Variants in PPARA observed in about 807,000 individuals in gnomAD.
PPARA encodes the protein peroxisome proliferator activated receptor alpha.
Under a neutral mutation model 42.2 loss-of-function variants are expected in PPARA, and 22 were observed. The observed-to-expected ratio is 0.52, with a 90% CI of 0.37 to 0.74. The LOEUF is 0.74. Among genes scored for constraint, PPARA ranks in the 30% least tolerant of loss-of-function variants. The pLI is 0.00. For synonymous variants in PPARA, 242 were observed against 239.3 expected (o/e 1.01, Z -0.10); for missense variants, 465 against 608.2 (o/e 0.76, Z 2.48).
chr22:46,214,043 C>T (rs1264463595), intron 4 of PPARA, among the ~76,000 whole-genome samples: 3 of 152,234 alleles, frequency 2.0e-5, no homozygotes, highest in Admixed American at 6.5e-5. Context: ...TAGATTCCAA[C>T]TTATATTTTC....
chr22:46,182,837 CG>C lies in PPARA; in HGVS notation c.-43+6004del, dbSNP rs1247460114. Among the ~76,000 whole-genome samples the C allele has an allele frequency of 6.6e-6, 1 of 152,114 alleles. No individual in the cohort carries two copies. The highest frequency in any genetic ancestry group is 1.5e-5 in the Non-Finnish European group (1 of 68,020). Reference sequence around the variant, plus strand: ...TCAGAGCACTGTAACCTCCGCCTCCCGGGTTCAAGCGATTCTCATGCCTCAG... The same window carrying C: ...TCAGAGCACTGTAACCTCCGCCTCCCGGTTCAAGCGATTCTCATGCCTCAG... On this transcript the variant is annotated intron_variant, in intron 3 of 8. Coordinates refer to ENST00000407236, the MANE Select transcript of PPARA (RefSeq NM_005036.6). This position sits in a 1 kb window ranked among gnomAD's most constrained non-coding sequence, Gnocchi z 5.2.
At position 46,235,111 on chromosome 22, in the gene PPARA, C is replaced by T. The variant is rs764414831; in HGVS notation, c.1160-22C>T. 1.7e-5 allele frequency: 27 copies of T among 1,613,956 alleles called. No homozygotes were observed. The highest frequency in any genetic ancestry group is 2.3e-5 in the Non-Finnish European group (27 of 1,179,856). Reference sequence around the variant, plus strand: ...TTGGGTGATTATCACACTCAAACCTCTCTCTCTTCTTTCGAGACTAGATCG... The same window carrying T: ...TTGGGTGATTATCACACTCAAACCTTTCTCTCTTCTTTCGAGACTAGATCG... On this transcript the variant is annotated intron_variant, in intron 8 of 8. Coordinates refer to ENST00000407236, the MANE Select transcript of PPARA (RefSeq NM_005036.6). This position sits in a 1 kb window ranked among gnomAD's most constrained non-coding sequence, Gnocchi z 7.0.
Position 46,243,137 on chromosome 22 carries a change from G to A in PPARA, c.*7757G>A, listed in dbSNP as rs1454037425. 1 of 152,382 alleles carries A rather than the reference G, an allele frequency of 6.6e-6. No individual in the cohort carries two copies. Among genetic ancestry groups the A allele is most frequent in the East Asian group, 1.9e-4 (1 of 5,200 alleles). 9.4% of individuals were successfully genotyped at this position (152,382 alleles called of 1,614,324 possible). Reference sequence around the variant, plus strand: ...GACCCCGTGAGTCTCCCCATACCTTGTTTCCAATAACTTGGCAAAACTTCT... The same window carrying A: ...GACCCCGTGAGTCTCCCCATACCTTATTTCCAATAACTTGGCAAAACTTCT... On this transcript the variant is annotated 3_prime_UTR_variant, in exon 9 of 9. Transcript: ENST00000407236. The surrounding 1 kb of genome is among the most constrained non-coding windows in gnomAD (Gnocchi z 5.0).
intron 7 of PPARA, among the ~76,000 whole-genome samples, chr22:46,223,807 G>A (rs755378322): frequency 1.3e-5 from 2 of 149,660 alleles, no homozygotes; most frequent in Non-Finnish European, 3.0e-5. Flanking sequence ...AAAATTAGCC[G>A]GGCATGGCAG....
At chr22:46,205,981 T>C (rs1468873909) in intron 4 of PPARA, among the ~76,000 whole-genome samples, 1 of 152,214 alleles carries the variant, frequency 6.6e-6, no homozygotes, top group Non-Finnish European at 1.5e-5. Context: ...TGTGTCTTTA[T>C]ACTATGGTTT....
Position 46,201,737 on chromosome 22 carries a change from C to T in PPARA, c.208+3146C>T, listed in dbSNP as rs530479376. Among the ~76,000 whole-genome samples the T allele has an allele frequency of 3.3e-5, 5 of 152,268 alleles. No individual in the cohort carries two copies. The South Asian group carries it at 8.3e-4, about 25-fold the overall frequency. Reference sequence around the variant, plus strand: ...GGAGGCAGGTCCCAGGACATCCTGACGTGCTGGAGATCACCAGCCCAGAAC... The same window carrying T: ...GGAGGCAGGTCCCAGGACATCCTGATGTGCTGGAGATCACCAGCCCAGAAC... On this transcript the variant is annotated intron_variant, in intron 4 of 8. Coordinates refer to ENST00000407236, the MANE Select transcript of PPARA (RefSeq NM_005036.6).
chr22:46,200,661 A>G lies in PPARA; in HGVS notation c.208+2070A>G, dbSNP rs1344550618. Among the ~76,000 whole-genome samples, 1 of 152,258 alleles carries G rather than the reference A, an allele frequency of 6.6e-6. No homozygotes were observed. Among genetic ancestry groups the G allele is most frequent in the South Asian group, 2.1e-4 (1 of 4,832 alleles). On this transcript the variant is annotated intron_variant, in intron 4 of 8. Coordinates refer to ENST00000407236, the MANE Select transcript of PPARA (RefSeq NM_005036.6). This position sits in a 1 kb window ranked among gnomAD's most constrained non-coding sequence, Gnocchi z 4.8. Reference sequence around the variant, plus strand: ...CTGGGCGCAGTGGCTCACGCCTGTAATCCCAACACTTTGGGAGGCTGAGGC... The same window carrying G: ...CTGGGCGCAGTGGCTCACGCCTGTAGTCCCAACACTTTGGGAGGCTGAGGC...
At position 46,161,874 on chromosome 22, in the gene PPARA, G is replaced by A. The variant is rs567156518; in HGVS notation, c.-127+9904G>A. Among the ~76,000 whole-genome samples the A allele has an allele frequency of 9.9e-5, 15 of 152,198 alleles. No individual in the cohort carries two copies. The highest frequency in any genetic ancestry group is 3.6e-4 in the African/African-American group (15 of 41,508). Reference sequence around the variant, plus strand: ...CCCCCACCCCCTCTGGCTCCACGAGGCCCCCTGTACGTCACCATCACCTTT... The same window carrying A: ...CCCCCACCCCCTCTGGCTCCACGAGACCCCCTGTACGTCACCATCACCTTT... On this transcript the variant is annotated intron_variant, in intron 2 of 8. Transcript: ENST00000407236. The surrounding 1 kb of genome is among the most constrained non-coding windows in gnomAD (Gnocchi z 4.8).
chr22:46,172,624 G>GA (rs1174462735), intron 2 of PPARA, among the ~76,000 whole-genome samples: 1 of 152,058 alleles, frequency 6.6e-6, no homozygotes, highest in East Asian at 1.9e-4. Context: ...TCTCAAAAAA[G>GA]AAAAAAACAG....
rs1482965023 is a variant in PPARA at position 46,182,035 on chromosome 22, G to A, written c.-43+5199G>A. 2.6e-5 allele frequency among the ~76,000 whole-genome samples: 4 copies of A among 152,064 alleles called. No homozygotes were observed. Among genetic ancestry groups the A allele is most frequent in the South Asian group, 2.1e-4 (1 of 4,818 alleles). ...TTTAAATTTTATTTTTAGTAGAGACGGGGTTTTGCCACATTGGCCAGGCTG... is the reference window on the plus strand; with the variant it reads ...TTTAAATTTTATTTTTAGTAGAGACAGGGTTTTGCCACATTGGCCAGGCTG... On this transcript the variant is annotated intron_variant, in intron 3 of 8. Coordinates refer to ENST00000407236, the MANE Select transcript of PPARA (RefSeq NM_005036.6). The surrounding 1 kb of genome is among the most constrained non-coding windows in gnomAD (Gnocchi z 5.2).
rs1344014481 is a variant in PPARA, at chr22:46,237,638, AG to A, written c.*2262del. The stretch of plus-strand genomic sequence containing the variant: ...AAAAAAAAAAAAAAGATGCAATCAA[AG>A]GGGCTGTTGGCCAGCAATGGCAGCA... On this transcript the variant is annotated 3_prime_UTR_variant, in exon 9 of 9. Transcript: ENST00000407236. This position sits in a 1 kb window ranked among gnomAD's most constrained non-coding sequence, Gnocchi z 6.7. The A allele has an allele frequency of 1.3e-5, 2 of 152,074 alleles. No homozygotes were observed. Among genetic ancestry groups the A allele is most frequent in the Non-Finnish European group, 2.9e-5 (2 of 68,070 alleles). 9.4% of individuals were successfully genotyped at this position (152,074 alleles called of 1,614,324 possible).
Position 46,211,457 on chromosome 22 carries a change from G to A in PPARA, c.209-3716G>A, listed in dbSNP as rs1431654638. Among the ~76,000 whole-genome samples the A allele has an allele frequency of 2.0e-5, 3 of 152,084 alleles. No individual in the cohort carries two copies. The highest frequency in any genetic ancestry group is 1.9e-4 in the East Asian group (1 of 5,182). On this transcript the variant is annotated intron_variant, in intron 4 of 8. Transcript: ENST00000407236. The surrounding 1 kb of genome is among the most constrained non-coding windows in gnomAD (Gnocchi z 4.1). ...AGATTCCAATCATTCCAAATTATTC[G>A]GTGCAGCGCCTTTCCGCACCTGCAC... is the stretch of plus-strand genomic sequence containing the variant.
At chr22:46,226,690 T>C (rs899964451) in intron 7 of PPARA, among the ~76,000 whole-genome samples, 27 of 152,166 alleles carry the variant, frequency 1.8e-4, no homozygotes, top group South Asian at 4.2e-4. Context: ...AAAGGCCGGC[T>C]TGGGCAACAT....
intron 1 of PPARA, chr22:46,151,243 C>T (rs1466743364): frequency 2.0e-5 from 3 of 152,304 alleles, no homozygotes; most frequent in Non-Finnish European, 2.9e-5. Context: ...CTGCGACCAC[C>T]TTTGAGGAAC....
chr22:46,198,067 A>G (rs1331801947), intron 3 of PPARA, among the ~76,000 whole-genome samples: 1 of 122,176 alleles, frequency 8.2e-6, no homozygotes, highest in Non-Finnish European at 1.6e-5. Flanking sequence ...CGTCTCTACT[A>G]AAAAAAAAAA....
At chr22:46,214,282 G>C (rs938731431) in intron 4 of PPARA, among the ~76,000 whole-genome samples, 1 of 152,156 alleles carries the variant, frequency 6.6e-6, no homozygotes, top group African/African-American at 2.4e-5. Context: ...GTGTGCAGCG[G>C]AGATGTGCGG....
At chr22:46,185,097 A>T (rs1257805275) in intron 3 of PPARA, among the ~76,000 whole-genome samples, 1 of 152,026 alleles carries the variant, frequency 6.6e-6, no homozygotes, top group Non-Finnish European at 1.5e-5. Flanking sequence ...CCTGTGCTCC[A>T]TGTTCTTGCT....
At chr22:46,189,720 T>C (rs1931282484) in intron 3 of PPARA, among the ~76,000 whole-genome samples, 2 of 152,064 alleles carry the variant, frequency 1.3e-5, no homozygotes, top group African/African-American at 4.8e-5. Flanking sequence ...TTCTTTTTTT[T>C]TTTTGAGACA....
At chr22:46,209,866 C>T (rs895584925) in intron 4 of PPARA, among the ~76,000 whole-genome samples, 7 of 152,138 alleles carry the variant, frequency 4.6e-5, no homozygotes, top group Admixed American at 2.6e-4. Flanking sequence ...CCACCTCAGC[C>T]TCCTATGTAG....
Sources: allele counts gnomAD v4.1 joint callset (sites outside exome capture counted in the v4.1 genomes callset), GRCh38; gene constraint gnomAD v4.1.1; non-coding constraint Gnocchi (gnomAD v3.1); transcripts MANE v1.5; gene names NCBI Gene and HGNC (gene_info 2026-07-23, HGNC 2026-07-21).